The following UNC5A variants were observed in gnomAD, a reference collection of about 807,000 sequenced individuals.
The protein encoded by UNC5A is netrin receptor UNC5A.
Under a neutral mutation model 87.4 loss-of-function variants are expected in UNC5A, and 20 were observed. The observed-to-expected ratio is 0.23, with a 90% CI of 0.16 to 0.33. The LOEUF (loss-of-function observed/expected upper bound fraction) is 0.33. Ranked by LOEUF, UNC5A falls within the 10% of genes least tolerant of loss-of-function variation. UNC5A has a pLI of 1.00. For synonymous variants in UNC5A, 438 were observed against 482.3 expected (o/e 0.91, Z 1.20); for missense variants, 844 against 1,133.4 (o/e 0.74, Z 3.67).
Position 176,838,719 on chromosome 5 carries a change from G to A in UNC5A, c.71-23905G>A, listed in dbSNP as rs1757201177. ...CTGTCTTGGTACTGGGATGACTGCA[G>A]CAGCACAGCCCTCACATCCTCACCC... On this transcript the variant is annotated intron_variant, in intron 1 of 14. Coordinates refer to ENST00000329542, the MANE Select transcript of UNC5A (RefSeq NM_133369.3). The surrounding 1 kb of genome is among the most constrained non-coding windows in gnomAD (Gnocchi z 4.2). Among the ~76,000 whole-genome samples the A allele has an allele frequency of 6.6e-6, 1 of 152,214 alleles. No homozygotes were observed. The highest frequency in any genetic ancestry group is 1.5e-5 in the Non-Finnish European group (1 of 68,040).
At chr5:176,833,758 G>T (rs1235364431) in intron 1 of UNC5A, among the ~76,000 whole-genome samples, 2 of 150,610 alleles carry the variant, frequency 1.3e-5, no homozygotes, top group Non-Finnish European at 3.0e-5. Context: ...CGCCAGGCTG[G>T]AGTGCAGTGG....
chr5:176,880,692 AGT>A lies in UNC5A; in HGVS notation c.*816_*817del, dbSNP rs1040981645. ...GGGAGTCCCAGGCTGTACAGTGGTG[AGT>A]GTGTGTGTGGCGTGGCGTGCCCGTC... On this transcript the variant is annotated 3_prime_UTR_variant, in exon 15 of 15. Coordinates refer to ENST00000329542, the MANE Select transcript of UNC5A (RefSeq NM_133369.3). The A allele has an allele frequency of 1.7e-4, 31 of 178,626 alleles. No individual in the cohort carries two copies. Among genetic ancestry groups the A allele is most frequent in the Admixed American group, 1.0e-3 (17 of 16,792 alleles). The allele number at this position is 178,626 out of a possible 1,614,324, so 11.1% of individuals were successfully genotyped here. A position where few individuals can be genotyped will look rare whatever the true frequency, so the allele number is the denominator to read the frequency against.
chr5:176,830,700 A>C (rs1354363316), intron 1 of UNC5A, among the ~76,000 whole-genome samples: 1 of 70,066 alleles, frequency 1.4e-5, no homozygotes, highest in Admixed American at 1.8e-4. Flanking sequence ...ATGTGTGTGC[A>C]CTGGCGCGTG....
chr5:176,823,803 G>T (rs1756787255), intron 1 of UNC5A, among the ~76,000 whole-genome samples: 1 of 152,158 alleles, frequency 6.6e-6, no homozygotes, highest in African/African-American at 2.4e-5. Context: ...ACCCTATTTG[G>T]TCTTGAGAAG....
At chr5:176,862,867 G>A (rs769848433) in intron 2 of UNC5A, 22 bp downstream of exon 2, 16 of 1,611,100 alleles carry the variant, frequency 9.9e-6, no homozygotes, top group Non-Finnish European at 1.2e-5. Context: ...GGGGCGCCAG[G>A]CAGGGCCAAT....
In UNC5A at chr5:176,869,729, T is replaced by C. The variant is rs1758064205; in HGVS notation, c.722-641T>C. On this transcript the variant is annotated intron_variant, in intron 5 of 14. Transcript: ENST00000329542. This position sits in a 1 kb window ranked among gnomAD's most constrained non-coding sequence, Gnocchi z 9.1. Reference sequence around the variant, plus strand: ...ACCCGGCGCCTCTCAACGGGGGCGCTTTCTGTGAGGGGCAGAATGTCCAGA... The same window carrying C: ...ACCCGGCGCCTCTCAACGGGGGCGCCTTCTGTGAGGGGCAGAATGTCCAGA... 2 of 654,222 alleles carry C rather than the reference T, an allele frequency of 3.1e-6. No homozygotes were observed. The highest frequency in any genetic ancestry group is 1.8e-5 in the African/African-American group (1 of 55,700). The allele number at this position is 654,222 out of a possible 1,614,324, so 40.5% of individuals were successfully genotyped here.
chr5:176,845,355 G>T (rs959982852), intron 1 of UNC5A, among the ~76,000 whole-genome samples: 1 of 152,192 alleles, frequency 6.6e-6, no homozygotes, highest in African/African-American at 2.4e-5. Flanking sequence ...AATCCAGCCC[G>T]TGCTGCCACC....
At chr5:176,813,960 C>T (rs1444957749) in intron 1 of UNC5A, among the ~76,000 whole-genome samples, 1 of 152,192 alleles carries the variant, frequency 6.6e-6, no homozygotes, top group Non-Finnish European at 1.5e-5. Flanking sequence ...CTGCCGTCCC[C>T]TCCTCCTATT....
intron 12 of UNC5A, 26 bp from the exon 13 acceptor site, chr5:176,878,449 A>G (rs1347112582): frequency 1.2e-6 from 2 of 1,611,602 alleles, no homozygotes; most frequent in Non-Finnish European, 8.5e-7. Flanking sequence ...GGCTCACCTG[A>G]CACCTCCTCT....
chr5:176,834,205 A>G (rs916062581), intron 1 of UNC5A, among the ~76,000 whole-genome samples: 7 of 152,132 alleles, frequency 4.6e-5, no homozygotes, highest in Non-Finnish European at 1.5e-5. Flanking sequence ...AAATAATTAC[A>G]CACTGCCGGG....
At chr5:176,816,126 G>A (rs1269200110) in intron 1 of UNC5A, among the ~76,000 whole-genome samples, 1 of 152,236 alleles carries the variant, frequency 6.6e-6, no homozygotes, top group Non-Finnish European at 1.5e-5. Context: ...TATACCCAAT[G>A]ATGCCTATAT....
At chr5:176,822,884 C>T (rs1189775548) in intron 1 of UNC5A, among the ~76,000 whole-genome samples, 4 of 152,118 alleles carry the variant, frequency 2.6e-5, no homozygotes, top group East Asian at 1.9e-4. Context: ...CTGGAGCAGA[C>T]GGTGCCTGTG....
chr5:176,816,511 G>C lies in UNC5A; in HGVS notation c.70+5691G>C, dbSNP rs59158000. Reference sequence around the variant, plus strand: ...GAACCCCAGGCACATGGAGGAGGTAGTGAAATGGGTGAGTTGGCAAGCTCT... The same window carrying C: ...GAACCCCAGGCACATGGAGGAGGTACTGAAATGGGTGAGTTGGCAAGCTCT... On this transcript the variant is annotated intron_variant, in intron 1 of 14. Transcript: ENST00000329542. Among the ~76,000 whole-genome samples the C allele has an allele frequency of 3.9e-3, 600 of 152,378 alleles. 2 individuals carry two copies. Among genetic ancestry groups the C allele is most frequent in the African/African-American group, 0.013 (556 of 41,596 alleles).
intron 1 of UNC5A, among the ~76,000 whole-genome samples, chr5:176,856,164 A>G (rs112307759): frequency 6.6e-6 from 1 of 152,098 alleles, no homozygotes; most frequent in Non-Finnish European, 1.5e-5. Flanking sequence ...ATCACACCTC[A>G]TATTTTCTGG....
At chr5:176,867,672 A>C (rs1017695809) in intron 2 of UNC5A, among the ~76,000 whole-genome samples, 1 of 152,266 alleles carries the variant, frequency 6.6e-6, no homozygotes, top group South Asian at 2.1e-4. Flanking sequence ...GTCAGGATCT[A>C]TCTGCTAGCC....
Position 176,869,909 on chromosome 5 carries a change from G to C in UNC5A, c.722-461G>C, listed in dbSNP as rs1270959271. 1 of 579,546 alleles carries C rather than the reference G, an allele frequency of 1.7e-6. No individual in the cohort carries two copies. The highest frequency in any genetic ancestry group is 1.9e-5 in the African/African-American group (1 of 52,842). The allele number at this position is 579,546 out of a possible 1,614,324, so 35.9% of individuals were successfully genotyped here. On this transcript the variant is annotated intron_variant, in intron 5 of 14. Coordinates refer to ENST00000329542, the MANE Select transcript of UNC5A (RefSeq NM_133369.3). This position sits in a 1 kb window ranked among gnomAD's most constrained non-coding sequence, Gnocchi z 9.1. Reference sequence around the variant, plus strand: ...CACCCGCCACGCAGGGCCAGGCTCAGTCTGAGGCGGGGATCGGGGTGCGGT... The same window carrying C: ...CACCCGCCACGCAGGGCCAGGCTCACTCTGAGGCGGGGATCGGGGTGCGGT...
chr5:176,819,262 G>T (rs1756669445), intron 1 of UNC5A, among the ~76,000 whole-genome samples: 1 of 152,168 alleles, frequency 6.6e-6, no homozygotes, highest in South Asian at 2.1e-4. Flanking sequence ...AGCCTCCTCA[G>T]CCCTGGGAGC....
chr5:176,846,262 G>A (rs992062116), intron 1 of UNC5A, among the ~76,000 whole-genome samples: 1 of 152,072 alleles, frequency 6.6e-6, no homozygotes, highest in African/African-American at 2.4e-5. Context: ...TGAGCCAAAA[G>A]GAGCATTGGA....
At position 176,841,721 on chromosome 5, in the gene UNC5A, C is replaced by T. The variant is rs1461372367; in HGVS notation, c.71-20903C>T. 1.3e-5 allele frequency among the ~76,000 whole-genome samples: 2 copies of T among 152,166 alleles called. No individual in the cohort carries two copies. The highest frequency in any genetic ancestry group is 2.4e-5 in the African/African-American group (1 of 41,440). On this transcript the variant is annotated intron_variant, in intron 1 of 14. Coordinates refer to ENST00000329542, the MANE Select transcript of UNC5A (RefSeq NM_133369.3). This position sits in a 1 kb window ranked among gnomAD's most constrained non-coding sequence, Gnocchi z 4.1. ...CAAGAGAAGTAAAGATATATGTCCA[C>T]CAAAGACCTGTCTGTGAAAGCTCTT... is the stretch of plus-strand genomic sequence containing the variant.
Sources: gnomAD v4.1 joint callset for allele counts (sites outside exome capture counted in the v4.1 genomes callset) on GRCh38, gnomAD v4.1.1 for gene constraint, Gnocchi (gnomAD v3.1) non-coding constraint, MANE v1.5 for transcripts, NCBI Gene and HGNC (gene_info 2026-07-23, HGNC 2026-07-21) for gene names.